Variants in MTR observed in about 807,000 individuals in gnomAD.
The protein encoded by MTR is methionine synthase.
MTR carries 84 observed loss-of-function variants against 154.8 expected under a neutral mutation model. The observed-to-expected ratio is 0.54, with a 90% CI of 0.45 to 0.65. The LOEUF is 0.65. Among genes scored for constraint, MTR ranks in the 30% least tolerant of loss-of-function variants. The pLI, the probability that MTR is intolerant of heterozygous loss-of-function variation, is 0.00. For synonymous variants in MTR, 554 were observed against 553.9 expected, an observed-to-expected ratio of 1.00 and a Z score of 0.00; for missense variants, 1,275 against 1,570.2, an observed-to-expected ratio of 0.81 and a Z score of 3.18.
At chr1:236,841,027 A>G (rs1663199271) in intron 15 of MTR, among the ~76,000 whole-genome samples, 1 of 152,238 alleles carries the variant, frequency 6.6e-6, no homozygotes, top group Non-Finnish European at 1.5e-5. Flanking sequence ...AAATAGTTAG[A>G]CAAATAGTTC....
chr1:236,887,355 G>A (rs967792604), intron 27 of MTR, among the ~76,000 whole-genome samples: 2 of 152,180 alleles, frequency 1.3e-5, no homozygotes, highest in Non-Finnish European at 2.9e-5. Context: ...TCTGACTCAC[G>A]GAGTGACCTT....
chr1:236,897,286 C>T (rs1013820271), intron 32 of MTR, among the ~76,000 whole-genome samples, 168 bp downstream of exon 32: 1 of 60,768 alleles, frequency 1.6e-5, no homozygotes, highest in East Asian at 4.3e-4. Flanking sequence ...CTAGCCCTCA[C>T]TTCTACATGC....
chr1:236,862,483 T>C, intron 21 of MTR, 140 bp downstream of exon 21: 3 of 693,164 alleles, frequency 4.3e-6, no homozygotes, highest in South Asian at 3.1e-5. Flanking sequence ...CATCTCTCCC[T>C]TTTTTAACCG....
At chr1:236,810,046 A>G (rs534233084) in intron 4 of MTR, among the ~76,000 whole-genome samples, 1 of 152,346 alleles carries the variant, frequency 6.6e-6, no homozygotes, top group East Asian at 1.9e-4. Flanking sequence ...CGTTAAGTTC[A>G]AAACCTTCAG....
At chr1:236,895,701 C>G in intron 31 of MTR, 151 bp downstream of exon 31, 1 of 474,224 alleles carries the variant, frequency 2.1e-6, no homozygotes, top group Non-Finnish European at 3.4e-6. Context: ...CGTAGCTATT[C>G]TGCATTTTAC....
At chr1:236,823,975 C>A in intron 8 of MTR, 144 bp from the exon 9 acceptor site, 1 of 717,600 alleles carries the variant, frequency 1.4e-6, no homozygotes, top group Non-Finnish European at 2.4e-6. Flanking sequence ...AGTGAGATGG[C>A]TTTGATGGTA....
chr1:236,861,416 A>C (rs909299088), intron 20 of MTR, 139 bp downstream of exon 20: 2 of 1,291,080 alleles, frequency 1.5e-6, no homozygotes, highest in African/African-American at 3.0e-5. Flanking sequence ...TTCTCTAAAT[A>C]TGTTTAGGAG....
intron 2 of MTR, 49 bp downstream of exon 2, chr1:236,803,691 G>A: frequency 6.4e-7 from 1 of 1,561,028 alleles, no homozygotes; most frequent in South Asian, 1.1e-5. Context: ...TATTCTGCAA[G>A]CTGTTTCATG....
At chr1:236,841,365 A>T (rs61831821) in intron 15 of MTR, among the ~76,000 whole-genome samples, 54,104 of 152,060 alleles carry the variant, frequency 0.36, 10,387 homozygotes, top group East Asian at 0.43. Flanking sequence ...TTTGTTTTCT[A>T]TGAAGGTAAT....
At chr1:236,811,272 C>G (rs1325582710) in intron 5 of MTR, among the ~76,000 whole-genome samples, 2 of 152,152 alleles carry the variant, frequency 1.3e-5, no homozygotes, top group Non-Finnish European at 2.9e-5. Flanking sequence ...CTCACCAGGT[C>G]CCCTCTCACA....
At chr1:236,889,148 G>A (rs200156490) in intron 27 of MTR, 33 bp from the exon 28 acceptor site, 69 of 1,613,570 alleles carry the variant, frequency 4.3e-5, no homozygotes, top group Admixed American at 1.7e-4. Context: ...GGGTGCCAGC[G>A]TCAGCATTGA....
chr1:236,890,039 A>G (rs529760174), intron 28 of MTR, among the ~76,000 whole-genome samples: 1 of 152,298 alleles, frequency 6.6e-6, no homozygotes, highest in African/African-American at 2.4e-5. Flanking sequence ...AAGCCATTCA[A>G]AGGATCAGGT....
chr1:236,855,289 A>G (rs1443728078), intron 18 of MTR, among the ~76,000 whole-genome samples: 1 of 152,218 alleles, frequency 6.6e-6, no homozygotes, highest in African/African-American at 2.4e-5. Flanking sequence ...TGATCTTCCA[A>G]GGCTCTCTAA....
intron 15 of MTR, among the ~76,000 whole-genome samples, chr1:236,841,097 T>G (rs1014570529): frequency 6.6e-6 from 1 of 152,216 alleles, no homozygotes; most frequent in African/African-American, 2.4e-5. Flanking sequence ...ACGTTCAGCT[T>G]TTTAAGCTGA....
intron 8 of MTR, among the ~76,000 whole-genome samples, chr1:236,822,397 C>T (rs908808101): frequency 6.7e-6 from 1 of 150,004 alleles, no homozygotes. Flanking sequence ...GCAGCCTCAA[C>T]CTCCCAGGCT....
intron 22 of MTR, among the ~76,000 whole-genome samples, chr1:236,864,286 A>G (rs1572287821): frequency 6.6e-6 from 1 of 152,128 alleles, no homozygotes; most frequent in Non-Finnish European, 1.5e-5. Context: ...TTTTCTCTAG[A>G]TAGAGAAGAA....
intron 7 of MTR, among the ~76,000 whole-genome samples, 167 bp from the exon 8 acceptor site, chr1:236,816,282 A>T (rs1215376212): frequency 6.6e-6 from 1 of 152,126 alleles, no homozygotes; most frequent in Non-Finnish European, 1.5e-5. Flanking sequence ...CTCTTGGCAC[A>T]TGTCTGTTCT....
At chr1:236,863,835 T>C (rs534224544) in intron 22 of MTR, among the ~76,000 whole-genome samples, 1 of 152,310 alleles carries the variant, frequency 6.6e-6, no homozygotes, top group Non-Finnish European at 1.5e-5. Flanking sequence ...GGGTTGGATG[T>C]TGGGACAGAG....
At chr1:236,885,328 G>A in intron 26 of MTR, 109 bp downstream of exon 26, 1 of 737,998 alleles carries the variant, frequency 1.4e-6, no homozygotes. Context: ...AAAGGCTTTG[G>A]ATCATTTTAG....
Sources: gnomAD v4.1 joint callset for allele counts (sites outside exome capture counted in the v4.1 genomes callset) on GRCh38, gnomAD v4.1.1 for gene constraint, MANE v1.5 for transcripts, NCBI Gene and HGNC (gene_info 2026-07-23, HGNC 2026-07-21) for gene names.